C17orf78: variants seen among roughly 807,000 people sequenced by gnomAD.
C17orf78 encodes chromosome 17 open reading frame 78, also known as uncharacterized protein C17orf78.
Under a neutral mutation model 31.8 loss-of-function variants are expected in C17orf78, and 27 were observed. That is an observed-to-expected ratio of 0.85 (90% confidence interval 0.63 to 1.17). C17orf78 has a LOEUF of 1.17. Among genes scored for constraint, C17orf78 ranks in the 50% most tolerant of loss-of-function variants. The pLI, the probability that C17orf78 is intolerant of heterozygous loss-of-function variation, is 0.00. For synonymous variants in C17orf78, 106 were observed against 115.1 expected (o/e 0.92, Z 0.51); for missense variants, 258 against 315.2 (o/e 0.82, Z 1.37).
chr17:37,391,751 A>G lies in C17orf78; in HGVS notation c.*27A>G. 1 of 1,576,654 alleles carries G rather than the reference A, an allele frequency of 6.3e-7. No homozygotes were observed. Among genetic ancestry groups the G allele is most frequent in the Non-Finnish European group, 8.7e-7 (1 of 1,146,414 alleles). On this transcript the variant is annotated 3_prime_UTR_variant, in exon 7 of 7. Coordinates refer to ENST00000615133, the MANE Select transcript of C17orf78 (RefSeq NM_173625.5). The stretch of plus-strand genomic sequence containing the variant: ...AAGTTCTGCTCTATCTCAAAGACTG[A>G]ATGATACTACACAGTCCTCTCCCTA...
At chr17:37,391,361 A>G (rs2050876889) in intron 6 of C17orf78, among the ~76,000 whole-genome samples, 1 of 152,194 alleles carries the variant, frequency 6.6e-6, no homozygotes, top group African/African-American at 2.4e-5. Flanking sequence ...AGGCTTGAAG[A>G]GGTTATGTGA....
Position 37,379,405 on chromosome 17 carries a change from G to A in C17orf78, c.391+23G>A, listed in dbSNP as rs189474262. On this transcript the variant is annotated intron_variant, in intron 3 of 6. Transcript: ENST00000615133. ...AAGGTGAGATTGGAAAAGAGGAAGG[G>A]GGCAGGCACTAACTTTTAGTTGACA... The A allele has an allele frequency of 1.8e-5, 29 of 1,606,392 alleles. No individual in the cohort carries two copies. In the East Asian group the frequency reaches 5.8e-4, roughly 32 times the overall value.
chr17:37,380,498 T>G (rs1300899411), intron 3 of C17orf78, among the ~76,000 whole-genome samples: 1 of 152,188 alleles, frequency 6.6e-6, no homozygotes, highest in Non-Finnish European at 1.5e-5. Flanking sequence ...AGAGTCAGTT[T>G]TATAATCTCT....
intron 3 of C17orf78, among the ~76,000 whole-genome samples, chr17:37,381,685 T>TG (rs1341509480): frequency 6.7e-6 from 1 of 148,886 alleles, no homozygotes; most frequent in Non-Finnish European, 1.5e-5. Context: ...TGGAGTGCAG[T>TG]GGTGCGATCT....
intron 1 of C17orf78, among the ~76,000 whole-genome samples, chr17:37,376,483 C>T (rs2050007481): frequency 6.6e-6 from 1 of 152,110 alleles, no homozygotes; most frequent in Non-Finnish European, 1.5e-5. Context: ...TCATACTGTT[C>T]ATAAGATGTT....
intron 2 of C17orf78, among the ~76,000 whole-genome samples, chr17:37,378,811 C>T (rs1193597854): frequency 2.0e-5 from 3 of 152,130 alleles, no homozygotes; most frequent in Non-Finnish European, 4.4e-5. Flanking sequence ...TCTGTAATCC[C>T]AGCACTTTGG....
chr17:37,384,010 A>G (rs940099777), intron 3 of C17orf78, among the ~76,000 whole-genome samples: 1 of 152,218 alleles, frequency 6.6e-6, no homozygotes, highest in African/African-American at 2.4e-5. Context: ...TCATGCCTGT[A>G]ATCCCAGCAC....
chr17:37,377,617 G>C (rs890831103), intron 1 of C17orf78, among the ~76,000 whole-genome samples: 1 of 151,690 alleles, frequency 6.6e-6, no homozygotes. Context: ...CGGAGATCAC[G>C]TCACTGCACT....
intron 3 of C17orf78, among the ~76,000 whole-genome samples, chr17:37,380,629 G>A (rs967854210): frequency 2.6e-5 from 4 of 151,498 alleles, no homozygotes; most frequent in Admixed American, 6.6e-5. Flanking sequence ...ATGGTGTCTC[G>A]TTCTGTCACC....
chr17:37,386,825 CT>C (rs112796389), intron 4 of C17orf78: 440 of 144,318 alleles, frequency 3.0e-3, no homozygotes, highest in Middle Eastern at 0.014. Flanking sequence ...TTTTCTTTTT[CT>C]TTTTTTTTTT....
At position 37,390,330 on chromosome 17, in the gene C17orf78, A is replaced by ATATATATATATATCTATATC. The variant is rs1386032855; in HGVS notation, c.750+972_750+973insTATATATATCTATATCTATA. ...TATATATATATATATATATATATAT[A>ATATATATATATATCTATATC]TATAAAAGGCCAGCTGGGCCGGGCA... On this transcript the variant is annotated intron_variant, in intron 6 of 6. Coordinates refer to ENST00000615133, the MANE Select transcript of C17orf78 (RefSeq NM_173625.5). Among the ~76,000 whole-genome samples, 2 of 41,582 alleles carry ATATATATATATATCTATATC rather than the reference A, an allele frequency of 4.8e-5. 1 individual carries two copies. Among genetic ancestry groups the ATATATATATATATCTATATC allele is most frequent in the African/African-American group, 2.6e-4 (2 of 7,842 alleles). 27.3% of individuals were successfully genotyped at this position (41,582 alleles called of 152,430 possible).
Position 37,385,996 on chromosome 17 carries a change from CTT to C in C17orf78, c.392-11_392-10del, listed in dbSNP as rs2050509660. ...TTCCCCTAAAGTTTCATCTTTTCTACTTTGTTTTATAGCTTTTTTACCAGGGA... is the reference window on the plus strand; with the variant it reads ...TTCCCCTAAAGTTTCATCTTTTCTACTGTTTTATAGCTTTTTTACCAGGGA... On this transcript the variant is annotated splice_polypyrimidine_tract_variant and intron_variant, in intron 3 of 6. Transcript: ENST00000615133. 5 of 1,524,818 alleles carry C rather than the reference CTT, an allele frequency of 3.3e-6. No individual in the cohort carries two copies. The allele number at this position is 1,524,818 out of a possible 1,614,324, so 94.5% of individuals were successfully genotyped here. A position where few individuals can be genotyped will look rare whatever the true frequency, so the allele number is the denominator to read the frequency against.
At position 37,391,176 on chromosome 17, in the gene C17orf78, T is replaced by C. The variant is rs551238910; in HGVS notation, c.751-471T>C. Among the ~76,000 whole-genome samples, 6 of 152,198 alleles carry C rather than the reference T, an allele frequency of 3.9e-5. No homozygotes were observed. In the East Asian group the frequency reaches 1.2e-3, roughly 29 times the overall value. On this transcript the variant is annotated intron_variant, in intron 6 of 6. Transcript: ENST00000615133. Reference sequence around the variant, plus strand: ...TCGCTTGAACCCGGGAGGCACAGGCTGCGGTGAGCTGAGATCACACCACTG... The same window carrying C: ...TCGCTTGAACCCGGGAGGCACAGGCCGCGGTGAGCTGAGATCACACCACTG...
intron 6 of C17orf78, among the ~76,000 whole-genome samples, chr17:37,390,960 G>A (rs981279274): frequency 7.9e-5 from 12 of 152,018 alleles, no homozygotes; most frequent in Admixed American, 7.9e-4. Flanking sequence ...TAAAAATAGG[G>A]CCAGGCGTGG....
At chr17:37,386,506 C>A (rs936092697) in intron 4 of C17orf78, among the ~76,000 whole-genome samples, 1 of 152,080 alleles carries the variant, frequency 6.6e-6, no homozygotes, top group Non-Finnish European at 1.5e-5. Context: ...AAAGAAGAAT[C>A]GCTTGAACCC....
chr17:37,381,896 G>A (rs1345135744), intron 3 of C17orf78, among the ~76,000 whole-genome samples: 1 of 151,964 alleles, frequency 6.6e-6, no homozygotes, highest in Admixed American at 6.6e-5. Flanking sequence ...CAAAGTGCTG[G>A]GATTACAGGC....
chr17:37,379,899 A>G (rs373332229), intron 3 of C17orf78, among the ~76,000 whole-genome samples: 2,987 of 148,372 alleles, frequency 0.02, 37 homozygotes, highest in Middle Eastern at 0.045. Context: ...TAGAAATACC[A>G]TTTGACCCAG....
intron 3 of C17orf78, among the ~76,000 whole-genome samples, chr17:37,384,900 GTAGA>G: frequency 6.6e-6 from 1 of 152,286 alleles, no homozygotes; most frequent in East Asian, 1.9e-4. Context: ...GAAAAGTCAA[GTAGA>G]ATTTATAGAC....
intron 2 of C17orf78, 33 bp from the exon 3 acceptor site, chr17:37,379,104 C>T (rs370893365): frequency 6.3e-7 from 1 of 1,588,112 alleles, no homozygotes; most frequent in South Asian, 1.1e-5. Flanking sequence ...ACAAAACCAG[C>T]TCCATTTTTC....
Sources: gnomAD v4.1 joint callset for allele counts (sites outside exome capture counted in the v4.1 genomes callset) on GRCh38, gnomAD v4.1.1 for gene constraint, MANE v1.5 for transcripts, NCBI Gene and HGNC (gene_info 2026-07-23, HGNC 2026-07-21) for gene names.